UBE2L5: variants seen among roughly 807,000 people sequenced by gnomAD.
The protein encoded by UBE2L5 is ubiquitin conjugating enzyme E2 L5.
Under a neutral mutation model 10.0 loss-of-function variants are expected in UBE2L5, and 3 were observed. The observed-to-expected ratio is 0.30, with a 90% CI of 0.14 to 0.78. The LOEUF (loss-of-function observed/expected upper bound fraction) is 0.78, where lower values mean the gene tolerates loss of function less well. Ranked by LOEUF, UBE2L5 falls within the 30% of genes least tolerant of loss-of-function variation. UBE2L5 has a pLI of 0.65. For missense variants in UBE2L5, 131 were observed against 193.3 expected (o/e 0.68, Z 1.91); for synonymous variants, 60 against 71.9 (o/e 0.83, Z 0.83).
intron 1 of UBE2L5, among the ~76,000 whole-genome samples, chr13:30,423,939 G>C (rs186988411): frequency 2.4e-3 from 370 of 152,378 alleles, no homozygotes; most frequent in Non-Finnish European, 3.9e-3. Context: ...GGATTTGTAT[G>C]TTCCCAACCA....
chr13:30,423,256 C>A (rs971845602), intron 1 of UBE2L5, among the ~76,000 whole-genome samples: 1 of 152,130 alleles, frequency 6.6e-6, no homozygotes, highest in Non-Finnish European at 1.5e-5. Context: ...AAAGCAGATA[C>A]AATATGGAGT....
At chr13:30,426,409 G>C (rs1452723292) in intron 2 of UBE2L5, among the ~76,000 whole-genome samples, 2 of 152,208 alleles carry the variant, frequency 1.3e-5, no homozygotes, top group Non-Finnish European at 2.9e-5. Context: ...CTATAAGTCA[G>C]ACAGTGGCCC....
At position 30,428,465 on chromosome 13, in the gene UBE2L5, C is replaced by G; in HGVS notation, c.*10C>G. ...GCGACCTGTGGACTAAAATGTGCCA[C>G]GATTGGTTCCAGCAAGTGTGAGCAG... On this transcript the variant is annotated 3_prime_UTR_variant, in exon 4 of 4. Coordinates refer to ENST00000635918, the MANE Select transcript of UBE2L5 (RefSeq NM_001355247.2). 1 of 1,610,780 alleles carries G rather than the reference C, an allele frequency of 6.2e-7. No homozygotes were observed. The highest frequency in any genetic ancestry group is 1.1e-5 in the South Asian group (1 of 90,880).
chr13:30,427,907 GTTAT>G lies in UBE2L5; in HGVS notation c.-81_-78del, dbSNP rs1566170309. 6 of 899,524 alleles carry G rather than the reference GTTAT, an allele frequency of 6.7e-6. 1 individual carries two copies. In the East Asian group the frequency reaches 7.8e-5, roughly 12 times the overall value. 55.7% of individuals were successfully genotyped at this position (899,524 alleles called of 1,614,324 possible). The stretch of plus-strand genomic sequence containing the variant: ...TAAGTTCAAACTGCCACATCAGAAC[GTTAT>G]TTGAGTGTATACATACACAACCATT... On this transcript the variant is annotated 5_prime_UTR_variant, in exon 4 of 4. It removes the in-frame stop codon of an upstream open reading frame in the 5' UTR. Transcript: ENST00000635918.
At chr13:30,424,274 A>G (rs1885508532) in intron 1 of UBE2L5, among the ~76,000 whole-genome samples, 1 of 152,224 alleles carries the variant, frequency 6.6e-6, no homozygotes, top group Non-Finnish European at 1.5e-5. Context: ...CCTGGTTCAG[A>G]CAAACCACTG....
At position 30,427,996 on chromosome 13, in the gene UBE2L5, G is replaced by A. The variant is rs1041246573; in HGVS notation, c.6G>A (p.Ala2=). 55 of 1,562,876 alleles carry A rather than the reference G, an allele frequency of 3.5e-5. No individual in the cohort carries two copies. The highest frequency in any genetic ancestry group is 1.2e-4 in the South Asian group (11 of 89,984). The change falls in exon 4 of 4, where the codon GCG becomes GCA. Residue 2 remains alanine (A), a synonymous_variant. Coordinates refer to ENST00000635918, the MANE Select transcript of UBE2L5 (RefSeq NM_001355247.2). The part of the protein sequence containing the change: M[A]ASRRLMKELE... The stretch of plus-strand genomic sequence containing the variant: ...GAAGCAGCACCAAATCCAAGATGGC[G>A]GCCAGCAGGAGGCTGATGAAGGAGC...
chr13:30,428,284 A>G lies in UBE2L5; in HGVS notation c.294A>G (p.Ala98=). The G allele has an allele frequency of 6.2e-7, 1 of 1,608,156 alleles. No homozygotes were observed. Residue 98 remains alanine, a synonymous_variant, in exon 4 of 4, where the codon GCA becomes GCG. Transcript: ENST00000635918. ...TTAGTGCTGAAAACTGGAAGCCAGCAACCAAAACCGACCAAGTAATCCAGT... is the reference window on the plus strand; with the variant it reads ...TTAGTGCTGAAAACTGGAAGCCAGCGACCAAAACCGACCAAGTAATCCAGT... ...PVISAENWKP[A]TKTDQVIQSL...
At chr13:30,423,939 G>A (rs186988411) in intron 1 of UBE2L5, among the ~76,000 whole-genome samples, 8 of 152,260 alleles carry the variant, frequency 5.3e-5, no homozygotes, top group Non-Finnish European at 5.9e-5. Flanking sequence ...GGATTTGTAT[G>A]TTCCCAACCA....
chr13:30,426,018 A>G (rs2137358749), intron 2 of UBE2L5, among the ~76,000 whole-genome samples: 1 of 151,562 alleles, frequency 6.6e-6, no homozygotes, highest in South Asian at 2.1e-4. Flanking sequence ...CCATCTCAAA[A>G]AAAGAAAAAA....
chr13:30,422,888 AATAG>A (rs1211564200), intron 1 of UBE2L5, among the ~76,000 whole-genome samples: 1 of 152,252 alleles, frequency 6.6e-6, no homozygotes, highest in Non-Finnish European at 1.5e-5. Flanking sequence ...TCTGTCAAAA[AATAG>A]ATAAGAAAAT....
intron 1 of UBE2L5, among the ~76,000 whole-genome samples, chr13:30,423,737 A>C (rs1885499938): frequency 6.6e-6 from 1 of 152,262 alleles, no homozygotes; most frequent in South Asian, 2.1e-4. Flanking sequence ...CCAGTTCACA[A>C]AAATTTGGCC....
At chr13:30,426,545 T>C (rs1885542164) in intron 2 of UBE2L5, among the ~76,000 whole-genome samples, 180 bp from the exon 3 acceptor site, 1 of 152,248 alleles carries the variant, frequency 6.6e-6, no homozygotes, top group Non-Finnish European at 1.5e-5. Flanking sequence ...TTTTGTACCC[T>C]GACATCTGCT....
rs1391559331 is a variant in UBE2L5 at position 30,429,434 on chromosome 13, CAA to C, written c.*982_*983del. Among the ~76,000 whole-genome samples the C allele has an allele frequency of 3.3e-5, 5 of 152,190 alleles. No homozygotes were observed. Among genetic ancestry groups the C allele is most frequent in the East Asian group, 1.9e-4 (1 of 5,198 alleles). On this transcript the variant is annotated 3_prime_UTR_variant, in exon 4 of 4. Coordinates refer to ENST00000635918, the MANE Select transcript of UBE2L5 (RefSeq NM_001355247.2). ...ATGAAACGCATGCAAATTTCACAGA[CAA>C]AAGAGTAGCTTTGCCACCTCTCATT...
In UBE2L5 at chr13:30,428,628, T is replaced by A; in HGVS notation, c.*173T>A. 3.1e-6 allele frequency: 2 copies of A among 641,056 alleles called. No individual in the cohort carries two copies. The highest frequency in any genetic ancestry group is 5.0e-6 in the Non-Finnish European group (2 of 401,124). 39.7% of individuals were successfully genotyped at this position (641,056 alleles called of 1,614,324 possible). On this transcript the variant is annotated 3_prime_UTR_variant, in exon 4 of 4. Transcript: ENST00000635918. ...AATTAAAAGTGGTCTAGGTAACCTG[T>A]AAAGAAAGGATTAAAAATTTAAGAT...
At position 30,428,174 on chromosome 13, in the gene UBE2L5, C is replaced by G; in HGVS notation, c.184C>G (p.Pro62Ala). 1 of 1,606,020 alleles carries G rather than the reference C, an allele frequency of 6.2e-7. No homozygotes were observed. Among genetic ancestry groups the G allele is most frequent in the Non-Finnish European group, 8.5e-7 (1 of 1,172,748 alleles). ...RIEINFPAEY[P>A]FKPPRITFKT... ...CGAAATCAACTTTCCAGCAGAGTAC[C>G]CATTCAAACCACCGAGGATCACATT... is the stretch of plus-strand genomic sequence containing the variant. The change falls in exon 4 of 4, where the codon CCA becomes GCA. Residue 62 changes from proline (P) to alanine (A), a missense_variant. By Grantham distance (27) the Pro-to-Ala change is conservative (BLOSUM62 -1). Transcript: ENST00000635918.
Position 30,428,844 on chromosome 13 carries a change from C to T in UBE2L5, c.*389C>T, listed in dbSNP as rs1190233361. Among the ~76,000 whole-genome samples the T allele has an allele frequency of 1.6e-5, 2 of 125,722 alleles. No individual in the cohort carries two copies. The highest frequency in any genetic ancestry group is 5.3e-5 in the African/African-American group (2 of 37,672). The allele number at this position is 125,722 out of a possible 152,430, so 82.5% of individuals were successfully genotyped here. A position where few individuals can be genotyped will look rare whatever the true frequency, so the allele number is the denominator to read the frequency against. ...AAGAAAAGAGATTGTATGCTATATT[C>T]CTTGCTTTTTTTTTTTTTTTTTTGG... On this transcript the variant is annotated 3_prime_UTR_variant, in exon 4 of 4. Coordinates refer to ENST00000635918, the MANE Select transcript of UBE2L5 (RefSeq NM_001355247.2).
intron 1 of UBE2L5, among the ~76,000 whole-genome samples, chr13:30,423,621 CG>C (rs1566169358): frequency 6.6e-6 from 1 of 152,066 alleles, no homozygotes; most frequent in African/African-American, 2.4e-5. Context: ...ACTGAAAGGC[CG>C]GGGAATCATA....
chr13:30,428,681 T>C lies in UBE2L5; in HGVS notation c.*226T>C. ...TCTTAAAAAAAAAAAAAGTGGCCAT[T>C]AATAGACGGAACTATACACTGGACT... On this transcript the variant is annotated 3_prime_UTR_variant, in exon 4 of 4. Coordinates refer to ENST00000635918, the MANE Select transcript of UBE2L5 (RefSeq NM_001355247.2). 3 of 529,446 alleles carry C rather than the reference T, an allele frequency of 5.7e-6. No individual in the cohort carries two copies. The highest frequency in any genetic ancestry group is 9.7e-6 in the Non-Finnish European group (3 of 309,616). 32.8% of individuals were successfully genotyped at this position (529,446 alleles called of 1,614,324 possible).
Position 30,428,350 on chromosome 13 carries a change from G to C in UBE2L5, c.360G>C (p.Pro120=). Residue 120 remains proline (P), a synonymous_variant, in exon 4 of 4, where the codon CCG becomes CCC. Transcript: ENST00000635918. ...ALVNDPQPEH[P]LRADLAEEYS... ...TGAATGACCCGCAGCCCGAGCACCC[G>C]CTTCGGGCTGACCTAGCTGAAGAAT... The C allele has an allele frequency of 6.2e-7, 1 of 1,611,316 alleles. No homozygotes were observed. Among genetic ancestry groups the C allele is most frequent in the Non-Finnish European group, 8.5e-7 (1 of 1,178,826 alleles).
Sources: allele counts gnomAD v4.1 joint callset (sites outside exome capture counted in the v4.1 genomes callset), GRCh38; gene constraint gnomAD v4.1.1; transcripts MANE v1.5; gene names NCBI Gene and HGNC (gene_info 2026-07-23, HGNC 2026-07-21).